WNK3: variants seen among roughly 807,000 people sequenced by gnomAD.
WNK3 encodes the protein serine/threonine-protein kinase WNK3.
Under a neutral mutation model 116.7 loss-of-function variants are expected in WNK3, and 18 were observed. The observed-to-expected ratio is 0.15, with a 90% confidence interval of 0.11 to 0.23. The LOEUF (loss-of-function observed/expected upper bound fraction) is 0.23, where lower values mean the gene tolerates loss of function less well. Ranked by LOEUF, WNK3 falls within the 10% of genes least tolerant of loss-of-function variation. WNK3 has a pLI of 1.00. For synonymous variants in WNK3, 404 were observed against 469.4 expected (o/e 0.86, Z 1.80); for missense variants, 993 against 1,323.8 (o/e 0.75, Z 3.88).
intron 22 of WNK3, among the ~76,000 whole-genome samples, chrX:54,209,986 A>G (rs2067595714): frequency 8.9e-6 from 1 of 112,007 alleles, no homozygotes; most frequent in Non-Finnish European, 1.9e-5. Flanking sequence ...AGAGACTGGT[A>G]TTTATATTAT....
intron 20 of WNK3, among the ~76,000 whole-genome samples, chrX:54,236,284 ATTTT>A (rs781861921): frequency 1.1e-5 from 1 of 87,820 alleles, no homozygotes. Context: ...TAAGTTTTGT[ATTTT>A]TTTTTTTTTT....
chrX:54,310,098 TAAA>T (rs1384013259), intron 3 of WNK3, among the ~76,000 whole-genome samples: 3 of 109,449 alleles, frequency 2.7e-5, no homozygotes, highest in Non-Finnish European at 5.7e-5. Flanking sequence ...TGGTTAGAAA[TAAA>T]AGACTATAAT....
chrX:54,238,783 CA>C, intron 18 of WNK3, 84 bp downstream of exon 18: 1 of 771,367 alleles, frequency 1.3e-6, no homozygotes, highest in Non-Finnish European at 1.8e-6. Flanking sequence ...GAAAAAGTGG[CA>C]AGATTTGTAT....
chrX:54,341,241 A>G (rs1285209308), intron 1 of WNK3, among the ~76,000 whole-genome samples: 2 of 110,684 alleles, frequency 1.8e-5, no homozygotes, highest in African/African-American at 3.3e-5. Context: ...TACTAAAAAT[A>G]CAAAAATTAG....
chrX:54,341,910 T>C (rs1398321078), intron 1 of WNK3, among the ~76,000 whole-genome samples: 1 of 111,999 alleles, frequency 8.9e-6, no homozygotes, highest in Non-Finnish European at 1.9e-5. Context: ...AATCATTGAC[T>C]TTTATATTAT....
intron 1 of WNK3, among the ~76,000 whole-genome samples, chrX:54,345,741 G>A (rs782478111): frequency 9.2e-4 from 97 of 104,976 alleles, no homozygotes; most frequent in African/African-American, 2.9e-3. Flanking sequence ...AGCCAAGATC[G>A]CGCCACTGCA....
chrX:54,348,876 A>C (rs782723981), intron 1 of WNK3, among the ~76,000 whole-genome samples: 1 of 112,273 alleles, frequency 8.9e-6, no homozygotes, highest in Non-Finnish European at 1.9e-5. Context: ...GACAAAACTC[A>C]AAACTTGCAG....
upstream of WNK3, chrX:54,358,627 T>C (rs1011725183): frequency 2.7e-5 from 3 of 112,559 alleles, no homozygotes; most frequent in Non-Finnish European, 1.9e-5. Context: ...AGCCACGGCA[T>C]GTCTCCCCCG....
intron 2 of WNK3, among the ~76,000 whole-genome samples, chrX:54,327,666 G>A (rs1317095766): frequency 9.0e-6 from 1 of 111,398 alleles, no homozygotes; most frequent in Non-Finnish European, 1.9e-5. Context: ...CAATCTGGCA[G>A]ACAGAGTGAG....
upstream of WNK3, among the ~76,000 whole-genome samples, chrX:54,358,279 G>C (rs2069626651): frequency 1.8e-5 from 2 of 111,143 alleles, no homozygotes; most frequent in African/African-American, 6.5e-5. Flanking sequence ...ATCTCTTAGA[G>C]GAAGCACGCG....
chrX:54,293,093 T>C (rs1213735892), intron 9 of WNK3, 41 bp downstream of exon 9: 2 of 1,183,669 alleles, frequency 1.7e-6, no homozygotes, highest in African/African-American at 1.8e-5. Flanking sequence ...TTACAGTAAA[T>C]ACACTGATTA....
chrX:54,215,340 G>A (rs1034314244), intron 22 of WNK3, among the ~76,000 whole-genome samples: 5 of 111,029 alleles, frequency 4.5e-5, no homozygotes, highest in Admixed American at 9.5e-5. Context: ...GCAGGCGCGC[G>A]CCGCCACGCC....
At position 54,316,437 on chromosome X, in the gene WNK3, G is replaced by A. The variant is rs1421505165; in HGVS notation, c.538-5146C>T. Among the ~76,000 whole-genome samples the A allele has an allele frequency of 4.6e-5, 5 of 108,365 alleles. 1 individual carries two copies. Among genetic ancestry groups the A allele is most frequent in the African/African-American group, 1.7e-4 (5 of 29,761 alleles). The allele number at this position is 108,365 out of a possible 115,157, so 94.1% of individuals were successfully genotyped here. On this transcript the variant is annotated intron_variant, in intron 2 of 23. Coordinates refer to ENST00000354646, the Ensembl canonical transcript of WNK3. ...CACCTGTAATCCCAGCTACTTGGGA[G>A]GTTGAGGCAGGAGAATCGCTTGAAC...
intron 5 of WNK3, among the ~76,000 whole-genome samples, chrX:54,304,813 T>C (rs185477519): frequency 1.5e-4 from 17 of 110,916 alleles, no homozygotes; most frequent in African/African-American, 4.6e-4. Context: ...AACTAAATTA[T>C]AAAAGTTTAC....
intron 21 of WNK3, among the ~76,000 whole-genome samples, chrX:54,230,778 C>T (rs2067891767): frequency 8.9e-6 from 1 of 112,342 alleles, no homozygotes; most frequent in African/African-American, 3.2e-5. Flanking sequence ...TGTCCTCCAA[C>T]CGATGAATGG....
At chrX:54,344,355 G>C (rs1268455923) in intron 1 of WNK3, among the ~76,000 whole-genome samples, 2 of 110,718 alleles carry the variant, frequency 1.8e-5, no homozygotes, top group Non-Finnish European at 3.8e-5. Context: ...AGGCAGAATG[G>C]CGTGAACCTG....
intron 2 of WNK3, among the ~76,000 whole-genome samples, chrX:54,331,108 G>C (rs2069165367): frequency 9.1e-6 from 1 of 110,076 alleles, no homozygotes; most frequent in Non-Finnish European, 1.9e-5. Flanking sequence ...GCTAATGGAT[G>C]CTGGGCTAAA....
intron 17 of WNK3, among the ~76,000 whole-genome samples, chrX:54,241,607 G>A (rs2068021862): frequency 9.0e-6 from 1 of 111,413 alleles, no homozygotes; most frequent in Non-Finnish European, 1.9e-5. Flanking sequence ...CTTAAAAATT[G>A]AGAAATTATC....
At chrX:54,211,942 T>G (rs1228501875) in intron 22 of WNK3, among the ~76,000 whole-genome samples, 3 of 106,456 alleles carry the variant, frequency 2.8e-5, no homozygotes, top group Non-Finnish European at 5.9e-5. Flanking sequence ...AAAGAAAATA[T>G]AGGGCCGGGT....
Sources: allele counts gnomAD v4.1 joint callset (sites outside exome capture counted in the v4.1 genomes callset), GRCh38; gene constraint gnomAD v4.1.1; transcripts MANE v1.5; gene names NCBI Gene and HGNC (gene_info 2026-07-23, HGNC 2026-07-21).